RALY: variants seen among roughly 807,000 people sequenced by gnomAD.
RALY encodes the protein RNA-binding protein Raly.
Under a neutral mutation model 30.7 loss-of-function variants are expected in RALY, and 15 were observed. The ratio of observed to expected loss-of-function variants is 0.49; its 90% CI spans 0.33 to 0.75. RALY has a LOEUF of 0.75. Among genes scored for constraint, RALY ranks in the 30% least tolerant of loss-of-function variants. RALY has a pLI of 0.02. For synonymous variants in RALY, 177 were observed against 170.8 expected, an observed-to-expected ratio of 1.04 and a Z score of -0.28; for missense variants, 339 against 414.3, an observed-to-expected ratio of 0.82 and a Z score of 1.58.
At position 34,077,196 on chromosome 20, in the gene RALY, G is replaced by A. The variant is rs1053124266; in HGVS notation, c.827G>A (p.Arg276Gln). ...AGLPQGEART[R>Q]DDGDEEGLLT... ...CTGCCCCAGGGGGAAGCACGGACCC[G>A]AGACGACGGCGATGAGGAAGGGCTC... The change falls in exon 8 of 10, where the codon CGA becomes CAA. Residue 276 changes from arginine to glutamine, a missense_variant. Around this residue, in one of 2 missense-constraint regions of RALY, gnomAD observed 268 missense variants for 280.6 expected, o/e 0.95. Transcript: ENST00000246194. 13 of 1,613,742 alleles carry A rather than the reference G, an allele frequency of 8.1e-6. No individual in the cohort carries two copies. The highest frequency in any genetic ancestry group is 1.3e-5 in the African/African-American group (1 of 74,922).
chr20:34,003,894 C>T (rs1353919699), intron 1 of RALY, among the ~76,000 whole-genome samples: 4 of 152,184 alleles, frequency 2.6e-5, no homozygotes, highest in Non-Finnish European at 1.5e-5. Context: ...CCGCCTCCGC[C>T]TCCCAAAGTG....
intron 2 of RALY, among the ~76,000 whole-genome samples, chr20:34,070,822 C>T (rs1464833159): frequency 6.6e-6 from 1 of 152,118 alleles, no homozygotes; most frequent in Non-Finnish European, 1.5e-5. Context: ...TGTGTTAGTC[C>T]ATTCTTGCAC....
At chr20:34,037,964 G>A (rs2123122577) in intron 2 of RALY, among the ~76,000 whole-genome samples, 1 of 152,282 alleles carries the variant, frequency 6.6e-6, no homozygotes, top group African/African-American at 2.4e-5. Context: ...GTAAGAAACA[G>A]CTGTTCCTAT....
At chr20:34,026,564 C>T (rs1011825579) in intron 1 of RALY, among the ~76,000 whole-genome samples, 7 of 95,416 alleles carry the variant, frequency 7.3e-5, no homozygotes, top group Admixed American at 1.1e-4. Flanking sequence ...CAGCCATGCC[C>T]AGCTAATTTT....
At chr20:34,073,982 C>T in intron 5 of RALY, 116 bp downstream of exon 5, 1 of 1,193,576 alleles carries the variant, frequency 8.4e-7, no homozygotes, top group Non-Finnish European at 1.2e-6. Context: ...AGAGGTTTGC[C>T]TGGGGTTGCT....
At chr20:34,028,215 G>A (rs1389075986) in intron 1 of RALY, among the ~76,000 whole-genome samples, 1 of 151,952 alleles carries the variant, frequency 6.6e-6, no homozygotes, top group Non-Finnish European at 1.5e-5. Context: ...GAAACCAGGA[G>A]GCGGAGGTTG....
intron 1 of RALY, among the ~76,000 whole-genome samples, chr20:34,000,602 A>G (rs1017073710): frequency 1.2e-4 from 19 of 152,148 alleles, no homozygotes; most frequent in Non-Finnish European, 4.4e-5. Flanking sequence ...AAGATGGGAT[A>G]TTGTCCCTGG....
intron 2 of RALY, among the ~76,000 whole-genome samples, chr20:34,066,998 G>GTGCCA (rs2033592126): frequency 6.6e-6 from 1 of 152,186 alleles, no homozygotes; most frequent in East Asian, 1.9e-4. Flanking sequence ...AGGCATCCCT[G>GTGCCA]TGCCATGTGC....
intron 5 of RALY, among the ~76,000 whole-genome samples, chr20:34,075,216 A>G (rs867146618): frequency 1.3e-5 from 2 of 152,158 alleles, no homozygotes; most frequent in Admixed American, 1.3e-4. Context: ...GGATGTGGTG[A>G]TTAAGGAGGT....
intron 2 of RALY, among the ~76,000 whole-genome samples, chr20:34,062,150 T>C (rs2033435678): frequency 6.6e-6 from 1 of 151,976 alleles, no homozygotes. Context: ...CCAGGGACTT[T>C]ATTCATCTCT....
At chr20:34,004,757 G>A (rs1180049321) in intron 1 of RALY, among the ~76,000 whole-genome samples, 2 of 152,192 alleles carry the variant, frequency 1.3e-5, no homozygotes, top group Admixed American at 6.5e-5. Flanking sequence ...TCAAAAGAGA[G>A]TTTTTCTTCT....
chr20:34,010,497 A>G (rs1445106651), intron 1 of RALY, among the ~76,000 whole-genome samples: 1 of 152,152 alleles, frequency 6.6e-6, no homozygotes, highest in Non-Finnish European at 1.5e-5. Context: ...TTGGCCTCCC[A>G]AAGTGCTGGG....
intron 6 of RALY, 106 bp downstream of exon 6, chr20:34,076,146 A>G (rs1225944609): frequency 7.5e-7 from 1 of 1,337,954 alleles, no homozygotes; most frequent in African/African-American, 1.5e-5. Flanking sequence ...CAAGTCTTCC[A>G]CAGTTCTGCT....
At chr20:34,043,719 G>A (rs1360060175) in intron 2 of RALY, among the ~76,000 whole-genome samples, 1 of 152,164 alleles carries the variant, frequency 6.6e-6, no homozygotes, top group Non-Finnish European at 1.5e-5. Flanking sequence ...ATGAAGGTTA[G>A]GAAGGATTCT....
At position 34,006,054 on chromosome 20, in the gene RALY, CAAAAG is replaced by C. The variant is rs535951017; in HGVS notation, c.-93+11927_-93+11931del. Among the ~76,000 whole-genome samples the C allele has an allele frequency of 3.3e-4, 50 of 152,082 alleles. 1 individual carries two copies. The highest frequency in any genetic ancestry group is 3.3e-3 in the East Asian group (17 of 5,174). ...TATGAATAAAGATGCTATAAACAAA[CAAAAG>C]AAAGATATGCCGTGGTCACGCTGCT... On this transcript the variant is annotated intron_variant, in intron 1 of 9. Coordinates refer to ENST00000246194, the MANE Select transcript of RALY (RefSeq NM_016732.3).
At chr20:33,994,581 C>T (rs1474367684) in intron 1 of RALY, among the ~76,000 whole-genome samples, 1 of 152,242 alleles carries the variant, frequency 6.6e-6, no homozygotes, top group Non-Finnish European at 1.5e-5. Context: ...GGTCTACGGG[C>T]TCCCGGAGGC....
At position 34,045,958 on chromosome 20, in the gene RALY, T is replaced by C. The variant is rs1233646607; in HGVS notation, c.-10+14354T>C. Among the ~76,000 whole-genome samples, 4 of 152,170 alleles carry C rather than the reference T, an allele frequency of 2.6e-5. No homozygotes were observed. In the East Asian group the frequency reaches 5.8e-4, roughly 22 times the overall value. On this transcript the variant is annotated intron_variant, in intron 2 of 9. Coordinates refer to ENST00000246194, the MANE Select transcript of RALY (RefSeq NM_016732.3). Reference sequence around the variant, plus strand: ...GTGCCGTTCCCCTTTTCTTACAGTTTCCAGCGGAAGGGAATCAAGTTGTGA... The same window carrying C: ...GTGCCGTTCCCCTTTTCTTACAGTTCCCAGCGGAAGGGAATCAAGTTGTGA...
At chr20:34,003,517 AT>A (rs915773455) in intron 1 of RALY, among the ~76,000 whole-genome samples, 1 of 151,952 alleles carries the variant, frequency 6.6e-6, no homozygotes, top group African/African-American at 2.4e-5. Context: ...AGGGGCAATG[AT>A]GGAGCAAAAG....
intron 2 of RALY, among the ~76,000 whole-genome samples, chr20:34,057,098 A>G (rs535375110): frequency 2.0e-5 from 3 of 152,368 alleles, no homozygotes; most frequent in South Asian, 2.1e-4. Context: ...ATGCTTACCG[A>G]AAACTATGCG....
Sources: allele counts gnomAD v4.1 joint callset (sites outside exome capture counted in the v4.1 genomes callset), GRCh38; gene constraint gnomAD v4.1.1; regional missense constraint gnomAD v4.1.1; transcripts MANE v1.5; gene names NCBI Gene and HGNC (gene_info 2026-07-23, HGNC 2026-07-21).